Variants in GNB4 observed in about 807,000 individuals in gnomAD.
The protein encoded by GNB4 is guanine nucleotide-binding protein subunit beta-4.
GNB4 carries 28 observed loss-of-function variants against 45.2 expected under a neutral mutation model. The observed-to-expected ratio is 0.62, with a 90% CI of 0.46 to 0.85. The LOEUF is 0.85. GNB4 is among the 40% of genes least tolerant of loss of function. The pLI is 0.00. For missense variants in GNB4, 321 were observed against 425.4 expected, an observed-to-expected ratio of 0.75 and a Z score of 2.16; for synonymous variants, 132 against 143.7, an observed-to-expected ratio of 0.92 and a Z score of 0.58.
chr3:179,460,830 AT>A, the GNB4 span, among the ~76,000 whole-genome samples: 1 of 151,972 alleles, frequency 6.6e-6, no homozygotes, highest in Non-Finnish European at 1.5e-5. Context: ...TTTATCTTTT[AT>A]TTTTTATTTT....
chr3:179,412,673 G>A lies in GNB4; in HGVS notation c.699+739C>T, dbSNP rs1032925930. Among the ~76,000 whole-genome samples the A allele has an allele frequency of 3.9e-5, 6 of 152,102 alleles. 1 individual carries two copies. The highest frequency in any genetic ancestry group is 4.2e-4 in the South Asian group (2 of 4,796). On this transcript the variant is annotated intron_variant, in intron 8 of 9. Transcript: ENST00000232564. ...GGCAGCAGAACTAAGATTAGGTCCC[G>A]GGTTGCACTGACTTCAAAAGCTATA...
chr3:179,466,202 G>A, the GNB4 span, among the ~76,000 whole-genome samples: 8 of 151,844 alleles, frequency 5.3e-5, no homozygotes, highest in Middle Eastern at 3.4e-3. Flanking sequence ...GTAGAGATAG[G>A]GTTTCATCAA....
chr3:179,500,749 CTT>C, the GNB4 span, among the ~76,000 whole-genome samples: 1 of 152,144 alleles, frequency 6.6e-6, no homozygotes, highest in Non-Finnish European at 1.5e-5. Context: ...TGTGTCCTCT[CTT>C]ATTTCTTTGA....
At chr3:179,470,605 C>T in the GNB4 span, among the ~76,000 whole-genome samples, 4 of 151,506 alleles carry the variant, frequency 2.6e-5, no homozygotes, top group South Asian at 2.1e-4. Context: ...AGTGCAATGG[C>T]GCGATCTCTG....
rs553187389 is a variant in GNB4 at position 179,439,100 on chromosome 3, G to A, written c.-43+12246C>T. On this transcript the variant is annotated intron_variant, in intron 1 of 9. Transcript: ENST00000232564. Reference sequence around the variant, plus strand: ...AATCCCTTCCCAGGACTACAGACTCGGAAACCTTGAGGGTAGAGCCCAGCA... The same window carrying A: ...AATCCCTTCCCAGGACTACAGACTCAGAAACCTTGAGGGTAGAGCCCAGCA... Among the ~76,000 whole-genome samples the A allele has an allele frequency of 2.1e-4, 32 of 152,184 alleles. 1 individual carries two copies. Among genetic ancestry groups the A allele is most frequent in the Middle Eastern group, 3.4e-3 (1 of 294 alleles).
chr3:179,407,042 G>C (rs1051248836), intron 8 of GNB4, among the ~76,000 whole-genome samples: 2 of 152,114 alleles, frequency 1.3e-5, no homozygotes, highest in African/African-American at 2.4e-5. Context: ...AGCCAAAATG[G>C]AGCAACAGTG....
chr3:179,401,508 G>A (rs1410865365), intron 9 of GNB4, among the ~76,000 whole-genome samples, 189 bp from the exon 10 acceptor site: 3 of 152,198 alleles, frequency 2.0e-5, no homozygotes, highest in African/African-American at 7.2e-5. Flanking sequence ...TTAGGAGTAA[G>A]CTGGATGTAT....
chr3:179,458,956 C>A, the GNB4 span, among the ~76,000 whole-genome samples: 4 of 152,144 alleles, frequency 2.6e-5, no homozygotes, highest in Admixed American at 6.5e-5. Flanking sequence ...CCTTTGATAT[C>A]TTTTACATTT....
At chr3:179,503,290 A>C in the GNB4 span, among the ~76,000 whole-genome samples, 1 of 152,388 alleles carries the variant, frequency 6.6e-6, no homozygotes, top group South Asian at 2.1e-4. Flanking sequence ...AAGTACAAAA[A>C]AATAAGATGG....
the GNB4 span, among the ~76,000 whole-genome samples, chr3:179,499,543 A>G: frequency 6.6e-6 from 1 of 152,210 alleles, no homozygotes; most frequent in East Asian, 1.9e-4. Context: ...ACAGTGCTGC[A>G]ATAAACATAC....
chr3:179,511,856 C>T, the GNB4 span, among the ~76,000 whole-genome samples: 1 of 152,074 alleles, frequency 6.6e-6, no homozygotes, highest in Non-Finnish European at 1.5e-5. Context: ...TAGTGCTGTC[C>T]AGTAGAATTT....
At chr3:179,518,980 T>C in the GNB4 span, among the ~76,000 whole-genome samples, 70 of 151,544 alleles carry the variant, frequency 4.6e-4, no homozygotes, top group Middle Eastern at 3.4e-3. Flanking sequence ...AATAAAAGAG[T>C]AGAGGCAGCC....
At chr3:179,472,403 G>A in the GNB4 span, among the ~76,000 whole-genome samples, 1 of 121,750 alleles carries the variant, frequency 8.2e-6, no homozygotes, top group African/African-American at 3.2e-5. Flanking sequence ...ACAGGGTCTT[G>A]CTCTGTTGTC....
the GNB4 span, among the ~76,000 whole-genome samples, chr3:179,490,607 T>C: frequency 6.6e-6 from 1 of 152,264 alleles, no homozygotes; most frequent in South Asian, 2.1e-4. Flanking sequence ...ATAAGTCCTG[T>C]TGTCCAAAGG....
chr3:179,414,238 T>C (rs570966641), intron 6 of GNB4, among the ~76,000 whole-genome samples: 2 of 152,126 alleles, frequency 1.3e-5, no homozygotes, highest in East Asian at 3.9e-4. Context: ...AAATAAAATA[T>C]TGTAAGAAAT....
At chr3:179,464,898 A>G in the GNB4 span, 2 of 1,487,164 alleles carry the variant, frequency 1.3e-6, no homozygotes, top group Non-Finnish European at 1.9e-6. Flanking sequence ...GAAATAATTA[A>G]GCGAACTGAC....
At chr3:179,511,384 G>T in the GNB4 span, among the ~76,000 whole-genome samples, 1 of 152,324 alleles carries the variant, frequency 6.6e-6, no homozygotes, top group East Asian at 1.9e-4. Context: ...TAAGATAATT[G>T]ATTTCAGAGC....
the GNB4 span, among the ~76,000 whole-genome samples, chr3:179,513,864 A>C: frequency 1.3e-5 from 2 of 152,230 alleles, no homozygotes; most frequent in Non-Finnish European, 2.9e-5. Context: ...ATAAAATAAA[A>C]GCCCTCTGAA....
At chr3:179,521,076 G>A in the GNB4 span, among the ~76,000 whole-genome samples, 1 of 152,088 alleles carries the variant, frequency 6.6e-6, no homozygotes, top group African/African-American at 2.4e-5. Context: ...CCCAGGACTG[G>A]CAAATTGATA....
Sources: allele counts gnomAD v4.1 joint callset (sites outside exome capture counted in the v4.1 genomes callset), GRCh38; gene constraint gnomAD v4.1.1; transcripts MANE v1.5; gene names NCBI Gene and HGNC (gene_info 2026-07-23, HGNC 2026-07-21).